The following THSD4 variants were observed in gnomAD, a reference collection of about 807,000 sequenced individuals.
The protein encoded by THSD4 is thrombospondin type 1 domain containing 4.
Under a neutral mutation model 119.0 loss-of-function variants are expected in THSD4, and 69 were observed. The ratio of observed to expected loss-of-function variants is 0.58; its 90% CI spans 0.48 to 0.71. The LOEUF (loss-of-function observed/expected upper bound fraction) is 0.71, where lower values mean the gene tolerates loss of function less well. THSD4 is among the 30% of genes least tolerant of loss of function. The pLI is 0.00. For synonymous variants in THSD4, 524 were observed against 540.4 expected (o/e 0.97, Z 0.42); for missense variants, 1,393 against 1,391.1 (o/e 1.00, Z -0.02).
chr15:71,751,904 G>A (rs1327303378), intron 14 of THSD4, among the ~76,000 whole-genome samples: 1 of 152,148 alleles, frequency 6.6e-6, no homozygotes, highest in South Asian at 2.1e-4. Flanking sequence ...ATCTTTATAT[G>A]CACCTCTTCT....
At chr15:71,428,007 C>G (rs982190030) in intron 7 of THSD4, among the ~76,000 whole-genome samples, 1 of 152,098 alleles carries the variant, frequency 6.6e-6, no homozygotes, top group Non-Finnish European at 1.5e-5. Context: ...GGTAGCATTC[C>G]CCCAAAGGGA....
chr15:71,181,670 C>A (rs2043529962), intron 3 of THSD4, among the ~76,000 whole-genome samples: 2 of 152,236 alleles, frequency 1.3e-5, no homozygotes, highest in South Asian at 4.1e-4. Flanking sequence ...CTTTGGCTGA[C>A]TTGACTTTAA....
intron 8 of THSD4, among the ~76,000 whole-genome samples, chr15:71,697,464 A>C (rs987367287): frequency 6.6e-6 from 1 of 152,186 alleles, no homozygotes; most frequent in Non-Finnish European, 1.5e-5. Context: ...ACATAGACAC[A>C]CACCTGTCTC....
At chr15:71,572,216 A>T (rs2049371132) in intron 7 of THSD4, among the ~76,000 whole-genome samples, 1 of 152,220 alleles carries the variant, frequency 6.6e-6, no homozygotes, top group African/African-American at 2.4e-5. Flanking sequence ...CAATTATGTG[A>T]ATTTCCAGTT....
At chr15:71,356,747 C>T (rs2045817855) in intron 6 of THSD4, among the ~76,000 whole-genome samples, 1 of 152,114 alleles carries the variant, frequency 6.6e-6, no homozygotes, top group African/African-American at 2.4e-5. Context: ...CATCTATTTC[C>T]TGAAGCCCTG....
At chr15:71,689,696 C>A (rs560487589) in intron 8 of THSD4, among the ~76,000 whole-genome samples, 3 of 152,280 alleles carry the variant, frequency 2.0e-5, no homozygotes, top group Admixed American at 2.0e-4. Flanking sequence ...TTTCTGCATC[C>A]ATAAAATGGA....
In THSD4 at chr15:71,335,659, C is replaced by T. The variant is rs528852548; in HGVS notation, c.1016-76028C>T. On this transcript the variant is annotated intron_variant, in intron 6 of 17. Coordinates refer to ENST00000261862, the MANE Select transcript of THSD4 (RefSeq NM_024817.3). ...CTAAATGAACTTCAAGGCCCAATTT[C>T]CTCGGTGAAGATGAATGCAAGGCTT... is the stretch of plus-strand genomic sequence containing the variant. Among the ~76,000 whole-genome samples, 8 of 152,208 alleles carry T rather than the reference C, an allele frequency of 5.3e-5. No individual in the cohort carries two copies. In the South Asian group the frequency reaches 8.3e-4, roughly 16 times the overall value.
intron 15 of THSD4, among the ~76,000 whole-genome samples, chr15:71,760,103 G>T (rs2053605382): frequency 6.6e-6 from 1 of 152,182 alleles, no homozygotes; most frequent in East Asian, 1.9e-4. Context: ...CACCATATGG[G>T]TTGAATGAAA....
In THSD4 at chr15:71,749,697, T is replaced by TTATTTATTTATTTA. The variant is rs61573060; in HGVS notation, c.2415+1104_2415+1105insATTTATTTATTTAT. Among the ~76,000 whole-genome samples the TTATTTATTTATTTA allele has an allele frequency of 4.4e-3, 603 of 137,658 alleles. 9 individuals are homozygous for TTATTTATTTATTTA. The highest frequency in any genetic ancestry group is 0.026 in the Admixed American group (355 of 13,756). The allele number at this position is 137,658 out of a possible 152,430, so 90.3% of individuals were successfully genotyped here. On this transcript the variant is annotated intron_variant, in intron 14 of 17. Coordinates refer to ENST00000261862, the MANE Select transcript of THSD4 (RefSeq NM_024817.3). Reference sequence around the variant, plus strand: ...TTTTAATATTTTTATATTTTTAAATTTTTATTTATTTATTTATTTATTTAT... The same window carrying TTATTTATTTATTTA: ...TTTTAATATTTTTATATTTTTAAATTTATTTATTTATTTATTTATTTATTTATTTATTTATTTAT...
At chr15:71,329,661 C>T (rs1388403302) in intron 6 of THSD4, among the ~76,000 whole-genome samples, 1 of 152,178 alleles carries the variant, frequency 6.6e-6, no homozygotes, top group Admixed American at 6.5e-5. Context: ...CTTGTGTGCC[C>T]TGCCCTTGTA....
At position 71,731,738 on chromosome 15, in the gene THSD4, C is replaced by G. The variant is rs139066835; in HGVS notation, c.1630+521C>G. 3.6e-3 allele frequency: 578 copies of G among 160,394 alleles called. 4 individuals carry two copies. The highest frequency in any genetic ancestry group is 0.013 in the African/African-American group (529 of 41,804). The allele number at this position is 160,394 out of a possible 1,614,324, so 9.9% of individuals were successfully genotyped here. Reference sequence around the variant, plus strand: ...GGTTGGGGCTGCAGTGAGCCGTGATCAGACCACTGAACTCCAGCCTGGACA... The same window carrying G: ...GGTTGGGGCTGCAGTGAGCCGTGATGAGACCACTGAACTCCAGCCTGGACA... On this transcript the variant is annotated intron_variant, in intron 10 of 17. Transcript: ENST00000261862.
chr15:71,519,022 A>G (rs2048400650), intron 7 of THSD4, among the ~76,000 whole-genome samples: 1 of 152,240 alleles, frequency 6.6e-6, no homozygotes, highest in Non-Finnish European at 1.5e-5. Flanking sequence ...GCAATGCCAT[A>G]AGAACAATAG....
chr15:71,130,392 G>A (rs980675413), intron 1 of THSD4, among the ~76,000 whole-genome samples: 2 of 152,092 alleles, frequency 1.3e-5, no homozygotes, highest in African/African-American at 4.8e-5. Flanking sequence ...TCGCCATGTT[G>A]TCCAGGCTGC....
intron 15 of THSD4, among the ~76,000 whole-genome samples, chr15:71,762,035 C>T (rs2053634864): frequency 6.6e-6 from 1 of 152,172 alleles, no homozygotes; most frequent in African/African-American, 2.4e-5. Context: ...CTATAGTTTC[C>T]TTCTTCAATT....
intron 3 of THSD4, among the ~76,000 whole-genome samples, chr15:71,161,017 G>T (rs1307278982): frequency 6.6e-6 from 1 of 151,940 alleles, no homozygotes; most frequent in Non-Finnish European, 1.5e-5. Context: ...TCAACCTACT[G>T]GTTGTTTAGA....
intron 8 of THSD4, among the ~76,000 whole-genome samples, chr15:71,725,357 G>A (rs557340793): frequency 6.6e-6 from 1 of 152,312 alleles, no homozygotes; most frequent in African/African-American, 2.4e-5. Flanking sequence ...CAGAGGCAAA[G>A]TTTGGCCTGT....
chr15:71,558,434 C>T (rs2049056597), intron 7 of THSD4, among the ~76,000 whole-genome samples: 1 of 152,126 alleles, frequency 6.6e-6, no homozygotes, highest in Non-Finnish European at 1.5e-5. Flanking sequence ...ACTTATGTTG[C>T]ATCTCTTAAG....
chr15:71,639,335 T>C (rs1392128087), intron 7 of THSD4, among the ~76,000 whole-genome samples: 1 of 152,194 alleles, frequency 6.6e-6, no homozygotes, highest in African/African-American at 2.4e-5. Context: ...CATATGTAAT[T>C]TGGGAATGAC....
intron 1 of THSD4, among the ~76,000 whole-genome samples, chr15:71,130,522 T>G (rs1272223100): frequency 6.6e-6 from 1 of 152,026 alleles, no homozygotes; most frequent in Non-Finnish European, 1.5e-5. Flanking sequence ...AGACAAGCCA[T>G]GACTCCAACA....
Sources: gnomAD v4.1 joint callset for allele counts (sites outside exome capture counted in the v4.1 genomes callset) on GRCh38, gnomAD v4.1.1 for gene constraint, MANE v1.5 for transcripts, NCBI Gene and HGNC (gene_info 2026-07-23, HGNC 2026-07-21) for gene names.